The following DENND2D variants were observed in gnomAD, a reference collection of about 807,000 sequenced individuals.
DENND2D encodes the protein DENN domain containing 2D.
Under a neutral mutation model 59.8 loss-of-function variants are expected in DENND2D, and 37 were observed. The observed-to-expected ratio is 0.62, with a 90% CI of 0.48 to 0.81. DENND2D has a LOEUF of 0.81. Ranked by LOEUF, DENND2D falls within the 40% of genes least tolerant of loss-of-function variation. The pLI, the probability that DENND2D is intolerant of heterozygous loss-of-function variation, is 0.00. For missense variants in DENND2D, 525 were observed against 579.7 expected (o/e 0.91, Z 0.97); for synonymous variants, 219 against 211.3 (o/e 1.04, Z -0.31).
chr1:111,189,424 C>T, intron 8 of DENND2D, 171 bp from the exon 9 acceptor site: 2 of 666,852 alleles, frequency 3.0e-6, no homozygotes, highest in South Asian at 1.9e-5. Flanking sequence ...CCATTCCCCT[C>T]TGGAGATCTC....
At position 111,194,670 on chromosome 1, in the gene DENND2D, A is replaced by G. The variant is rs779803901; in HGVS notation, c.702T>C (p.Ser234=). The change falls in exon 7 of 12, where the codon TCT becomes TCC. Residue 234 remains serine, a synonymous_variant. Coordinates refer to ENST00000357640, the MANE Select transcript of DENND2D (RefSeq NM_024901.5). ...GTTCAAAACTGAGACAGTGCAATAGAGAACTAAAATCCACATGTTCTAGGT... is the reference window on the plus strand; with the variant it reads ...GTTCAAAACTGAGACAGTGCAATAGGGAACTAAAATCCACATGTTCTAGGT... The part of the protein sequence containing the change: ...DSHLEHVDFS[S]LLHCLSFEQI... 1 of 1,614,094 alleles carries G rather than the reference A, an allele frequency of 6.2e-7. No homozygotes were observed. Among genetic ancestry groups the G allele is most frequent in the East Asian group, 2.2e-5 (1 of 44,882 alleles).
In DENND2D at chr1:111,187,672, T is replaced by C. The variant is rs1002086197; in HGVS notation, c.1349A>G (p.Gln450Arg). ...TTCCTCATATTCAAGTATTTTCTGT[T>C]GGAAATAGCCTGTGGGTTCAAATAC... ...KSKNPPAGYFQQKILEYEEQK... is the reference protein window; with the variant it reads ...KSKNPPAGYFRQKILEYEEQK... Residue 450 changes from glutamine to arginine, a missense_variant, in exon 12 of 12, where the codon CAA becomes CGA. By Grantham distance (43) the Gln-to-Arg change is conservative (BLOSUM62 1). Transcript: ENST00000357640. 6.2e-7 allele frequency: 1 copy of C among 1,613,430 alleles called. No individual in the cohort carries two copies. Among genetic ancestry groups the C allele is most frequent in the Non-Finnish European group, 8.5e-7 (1 of 1,179,586 alleles).
chr1:111,188,283 C>A lies in DENND2D; in HGVS notation c.1187G>T (p.Arg396Leu). The change falls in exon 11 of 12, where the codon CGG becomes CTG. Residue 396 changes from arginine to leucine, a missense_variant. By Grantham distance (102) the Arg-to-Leu change is moderately radical. Coordinates refer to ENST00000357640, the MANE Select transcript of DENND2D (RefSeq NM_024901.5). ...GAAGTGGCCTTGCCCATTTGCCTCC[C>A]GCTTGATATAGGAAGCATAATGGCC... is the stretch of plus-strand genomic sequence containing the variant. ...IVGHYASYIK[R>L]EANGQGHFQE... 6.2e-7 allele frequency: 1 copy of A among 1,614,104 alleles called. No individual in the cohort carries two copies. Among genetic ancestry groups the A allele is most frequent in the South Asian group, 1.1e-5 (1 of 91,068 alleles).
At chr1:111,204,219 G>C (rs1659091669), upstream of DENND2D, 1 of 1,385,368 alleles carries the variant, frequency 7.2e-7, no homozygotes, top group African/African-American at 1.5e-5. Context: ...CCCTCCACCG[G>C]GCCCCAGCCG....
Position 111,187,342 on chromosome 1 carries a change from G to C in DENND2D, c.*263C>G. 1 of 483,312 alleles carries C rather than the reference G, an allele frequency of 2.1e-6. No homozygotes were observed. The highest frequency in any genetic ancestry group is 3.8e-6 in the Non-Finnish European group (1 of 264,552). The allele number at this position is 483,312 out of a possible 1,614,324, so 29.9% of individuals were successfully genotyped here. ...AAGTGTCTACAACACATGTACTACT[G>C]TTTCCTACCTGTGTCACCTCTGCAA... is the stretch of plus-strand genomic sequence containing the variant. On this transcript the variant is annotated 3_prime_UTR_variant, in exon 12 of 12. Transcript: ENST00000357640.
intron 6 of DENND2D, chr1:111,195,070 CCT>C (rs1385153403): frequency 8.4e-6 from 2 of 236,730 alleles, no homozygotes; most frequent in Non-Finnish European, 1.6e-5. Context: ...TCATTCTTAC[CCT>C]CTTTCAGGTC....
At chr1:111,200,706 A>G (rs780916585), upstream of DENND2D, 119 of 1,287,560 alleles carry the variant, frequency 9.2e-5, no homozygotes, top group Non-Finnish European at 1.1e-4. Context: ...CTGGCACTGC[A>G]GCGCAGATCT....
intron 2 of DENND2D, among the ~76,000 whole-genome samples, chr1:111,199,271 G>A (rs779782847): frequency 6.6e-5 from 10 of 152,178 alleles, no homozygotes; most frequent in Admixed American, 1.3e-4. Context: ...CCCAGAGAGG[G>A]GATTCATTCT....
upstream of DENND2D, chr1:111,202,562 A>T (rs1227474975): frequency 6.6e-6 from 1 of 152,160 alleles, no homozygotes; most frequent in African/African-American, 2.4e-5. Context: ...CACACACCTG[A>T]CTGAAGTCCC....
chr1:111,197,467 C>A, intron 4 of DENND2D: 7 of 1,420,288 alleles, frequency 4.9e-6, no homozygotes, highest in Non-Finnish European at 5.5e-6. Flanking sequence ...CCTTCAGTGC[C>A]AGCACAATCT....
In DENND2D at chr1:111,199,696, A is replaced by G; in HGVS notation, c.170T>C (p.Leu57Pro). Residue 57 changes from leucine to proline, a missense_variant, in exon 2 of 12, where the codon CTT becomes CCT. Around this residue, in one of 3 missense-constraint regions of DENND2D, gnomAD observed 253 missense variants for 246.4 expected, o/e 1.03. Transcript: ENST00000357640. The stretch of plus-strand genomic sequence containing the variant: ...CTTCTTTTTGAGAGAAACCACAAGA[A>G]GGTATTCAAAGAAGTGCTGCCCCCC... ...FAGGQHFFEYLLVVSLKKKRS... is the reference protein window; with the variant it reads ...FAGGQHFFEYPLVVSLKKKRS... The G allele has an allele frequency of 6.2e-7, 1 of 1,614,176 alleles. No homozygotes were observed.
intron 7 of DENND2D, among the ~76,000 whole-genome samples, chr1:111,192,730 G>A (rs1657894232): frequency 6.6e-6 from 1 of 152,162 alleles, no homozygotes; most frequent in African/African-American, 2.4e-5. Context: ...CACTGACCCT[G>A]CTTTTAAGGA....
At chr1:111,198,090 G>T in intron 3 of DENND2D, 101 bp from the exon 4 acceptor site, 3 of 1,146,654 alleles carry the variant, frequency 2.6e-6, no homozygotes, top group Non-Finnish European at 2.6e-6. Flanking sequence ...AAGGGGAGTT[G>T]CTGATTAATC....
rs750810960 is a variant in DENND2D at position 111,192,199 on chromosome 1, A to G, written c.913T>C (p.Phe305Leu). 1.9e-6 allele frequency: 3 copies of G among 1,613,766 alleles called. No individual in the cohort carries two copies. The change falls in exon 8 of 12, where the codon TTC (phenylalanine) becomes CTC (leucine). Residue 305 changes from phenylalanine (F) to leucine (L), a missense_variant. Physicochemically the swap from Phe to Leu is conservative, Grantham distance 22. Coordinates refer to ENST00000357640, the MANE Select transcript of DENND2D (RefSeq NM_024901.5). ...LLATVCCPTP[F>L]MVGVQMRFQQ... Reference sequence around the variant, plus strand: ...AAGCGCATTTGTACTCCAACCATGAAGGGGGTGGGGCAGCAGACGGTGGCC... The same window carrying G: ...AAGCGCATTTGTACTCCAACCATGAGGGGGGTGGGGCAGCAGACGGTGGCC...
chr1:111,187,692 A>G lies in DENND2D; in HGVS notation c.1340-11T>C. ...TCTGTTGGAAATAGCCTGTGGGTTC[A>G]AATACAGGTGTTAGAGGCATCTGAT... On this transcript the variant is annotated splice_polypyrimidine_tract_variant and intron_variant, in intron 11 of 11. Coordinates refer to ENST00000357640, the MANE Select transcript of DENND2D (RefSeq NM_024901.5). The G allele has an allele frequency of 6.2e-7, 1 of 1,609,600 alleles. No individual in the cohort carries two copies. The highest frequency in any genetic ancestry group is 1.1e-5 in the South Asian group (1 of 90,876).
At chr1:111,198,454 T>C (rs1658463487) in intron 3 of DENND2D, among the ~76,000 whole-genome samples, 176 bp downstream of exon 3, 1 of 152,190 alleles carries the variant, frequency 6.6e-6, no homozygotes, top group African/African-American at 2.4e-5. Context: ...ATCAAACTGA[T>C]AGCTCATATT....
intron 2 of DENND2D, among the ~76,000 whole-genome samples, chr1:111,199,248 C>G (rs1305365247): frequency 6.6e-6 from 1 of 152,218 alleles, no homozygotes; most frequent in Non-Finnish European, 1.5e-5. Flanking sequence ...CCCACTCTTT[C>G]CTTCCCACAC....
chr1:111,194,761 A>G, intron 6 of DENND2D, 35 bp from the exon 7 acceptor site: 1 of 1,610,516 alleles, frequency 6.2e-7, no homozygotes, highest in East Asian at 2.2e-5. Flanking sequence ...AGGTGTCACT[A>G]TACTGCAAGA....
rs1658074911 is a variant in DENND2D at position 111,194,828 on chromosome 1, G to C, written c.646-102C>G. 3 of 1,326,476 alleles carry C rather than the reference G, an allele frequency of 2.3e-6. No homozygotes were observed. The African/African-American group carries it at 4.4e-5, about 19-fold the overall frequency. The allele number at this position is 1,326,476 out of a possible 1,614,324, so 82.2% of individuals were successfully genotyped here. ...CAGCCTCTATTCCTTCTGCCCCCAG[G>C]AGTGAATCTGGCCCTGTCTCTCTGT... On this transcript the variant is annotated intron_variant, in intron 6 of 11. Coordinates refer to ENST00000357640, the MANE Select transcript of DENND2D (RefSeq NM_024901.5).
Sources: gnomAD v4.1 joint callset for allele counts (sites outside exome capture counted in the v4.1 genomes callset) on GRCh38, gnomAD v4.1.1 for gene constraint, gnomAD v4.1.1 regional missense constraint, MANE v1.5 for transcripts, NCBI Gene and HGNC (gene_info 2026-07-23, HGNC 2026-07-21) for gene names.